Variants in RIC1 observed in about 807,000 individuals in gnomAD.
The protein encoded by RIC1 is RIC1 partner of RAB6A GEF complex, also known as guanine nucleotide exchange factor subunit RIC1.
RIC1 carries 88 observed loss-of-function variants against 169.0 expected under a neutral mutation model. The observed-to-expected ratio is 0.52, with a 90% CI of 0.44 to 0.62. RIC1 has a LOEUF of 0.62. RIC1 is among the 20% of genes least tolerant of loss of function. The pLI is 0.00. For synonymous variants in RIC1, 790 were observed against 601.5 expected (o/e 1.31, Z -4.59); for missense variants, 1,877 against 1,725.5 (o/e 1.09, Z -1.56).
chr9:5,643,651 GA>G (rs1490962171), intron 1 of RIC1, among the ~76,000 whole-genome samples: 1 of 152,090 alleles, frequency 6.6e-6, no homozygotes, highest in East Asian at 1.9e-4. Context: ...AAATAAAAAA[GA>G]TTGAAGAGGA....
At position 5,686,792 on chromosome 9, in the gene RIC1, A is replaced by G. The variant is rs1208144240; in HGVS notation, c.253-3167A>G. ...TAAAGTATAATAATAAAAAAAAAGA[A>G]TATGTTAATGAGGGATCTTGGCCTG... On this transcript the variant is annotated intron_variant, in intron 2 of 25. Coordinates refer to ENST00000414202, the MANE Select transcript of RIC1 (RefSeq NM_020829.4). Among the ~76,000 whole-genome samples, 5 of 152,106 alleles carry G rather than the reference A, an allele frequency of 3.3e-5. No individual in the cohort carries two copies. In the East Asian group the frequency reaches 5.8e-4, roughly 18 times the overall value.
intron 1 of RIC1, among the ~76,000 whole-genome samples, chr9:5,652,036 G>T (rs1299905098): frequency 6.6e-6 from 1 of 152,264 alleles, no homozygotes; most frequent in Non-Finnish European, 1.5e-5. Context: ...TAAAAGCATG[G>T]ATTTATTTCT....
At chr9:5,637,055 T>TTTTG (rs756982205) in intron 1 of RIC1, among the ~76,000 whole-genome samples, 7 of 152,044 alleles carry the variant, frequency 4.6e-5, no homozygotes, top group African/African-American at 7.2e-5. Context: ...TTTATGATTT[T>TTTTG]TTTGTTTGTT....
intron 6 of RIC1, 148 bp from the exon 7 acceptor site, chr9:5,732,240 T>C: frequency 1.6e-6 from 1 of 610,064 alleles, no homozygotes; most frequent in Non-Finnish European, 2.9e-6. Context: ...AGGGAGACTA[T>C]TGTGGTAGTC....
At chr9:5,727,182 C>A (rs55727507) in intron 6 of RIC1, among the ~76,000 whole-genome samples, 4 of 152,126 alleles carry the variant, frequency 2.6e-5, no homozygotes, top group Non-Finnish European at 5.9e-5. Flanking sequence ...CCGTCACTTT[C>A]AGGTACAGCA....
At chr9:5,753,730 G>GT (rs1276252684) in intron 14 of RIC1, 84 bp downstream of exon 14, 7 of 548,750 alleles carry the variant, frequency 1.3e-5, no homozygotes, top group Non-Finnish European at 2.1e-5. Context: ...TTATCACTAA[G>GT]TAATTTTGGT....
intron 3 of RIC1, among the ~76,000 whole-genome samples, chr9:5,703,286 G>A (rs1822349859): frequency 1.3e-5 from 2 of 152,180 alleles, no homozygotes; most frequent in African/African-American, 4.8e-5. Context: ...GGGACTATAA[G>A]CCCCGTGCAG....
rs1817602547 is a variant in RIC1 at position 5,629,361 on chromosome 9, C to G, written c.52C>G (p.Pro18Ala). The change falls in exon 1 of 26, where the codon CCG becomes GCG. Residue 18 changes from proline to alanine, a missense_variant. By Grantham distance (27) the Pro-to-Ala change is conservative. Coordinates refer to ENST00000414202, the MANE Select transcript of RIC1 (RefSeq NM_020829.4). ...GAGGCTGCTGTGCCCTCTGGGGAGC[C>G]CGGCCGAGGCGCCTTTCCACGTTCA... ...PKRLLCPLGSPAEAPFHVQSD... is the reference protein window; with the variant it reads ...PKRLLCPLGSAAEAPFHVQSD... 1 of 1,534,448 alleles carries G rather than the reference C, an allele frequency of 6.5e-7. No individual in the cohort carries two copies. Among genetic ancestry groups the G allele is most frequent in the Non-Finnish European group, 8.7e-7 (1 of 1,146,264 alleles).
chr9:5,705,596 C>A (rs1160706732), intron 3 of RIC1, among the ~76,000 whole-genome samples: 1 of 152,044 alleles, frequency 6.6e-6, no homozygotes, highest in Non-Finnish European at 1.5e-5. Flanking sequence ...AAGAGAGTCC[C>A]ATTTTTTCCG....
At chr9:5,727,262 C>A (rs1824053160) in intron 6 of RIC1, among the ~76,000 whole-genome samples, 1 of 152,088 alleles carries the variant, frequency 6.6e-6, no homozygotes, top group African/African-American at 2.4e-5. Context: ...TCTTTTTACT[C>A]TTTTTTTCTC....
At chr9:5,694,956 G>T (rs940349208) in intron 3 of RIC1, among the ~76,000 whole-genome samples, 1 of 151,818 alleles carries the variant, frequency 6.6e-6, no homozygotes, top group Non-Finnish European at 1.5e-5. Context: ...TCTAACAGTG[G>T]AAAAAAACAA....
At chr9:5,683,066 T>C (rs1338898221) in intron 2 of RIC1, among the ~76,000 whole-genome samples, 2 of 152,242 alleles carry the variant, frequency 1.3e-5, no homozygotes, top group African/African-American at 4.8e-5. Context: ...GCCATTCGTC[T>C]AATTTTTTTT....
At chr9:5,688,578 C>T (rs1287686063) in intron 2 of RIC1, among the ~76,000 whole-genome samples, 3 of 152,126 alleles carry the variant, frequency 2.0e-5, no homozygotes, top group Non-Finnish European at 4.4e-5. Flanking sequence ...GAAAGATGAT[C>T]TTATCTGAAG....
At chr9:5,678,128 G>A (rs1467377772) in intron 2 of RIC1, among the ~76,000 whole-genome samples, 2 of 152,118 alleles carry the variant, frequency 1.3e-5, no homozygotes, top group South Asian at 2.1e-4. Flanking sequence ...ATAGTTTGCT[G>A]AGAATGATGG....
At chr9:5,689,788 C>A (rs941876930) in intron 2 of RIC1, among the ~76,000 whole-genome samples, 171 bp from the exon 3 acceptor site, 2 of 151,882 alleles carry the variant, frequency 1.3e-5, no homozygotes, top group Non-Finnish European at 2.9e-5. Context: ...TTTTTTTCAA[C>A]ATGGGTTATA....
At chr9:5,754,245 G>A (rs754298352) in intron 14 of RIC1, among the ~76,000 whole-genome samples, 34 of 152,212 alleles carry the variant, frequency 2.2e-4, no homozygotes, top group South Asian at 6.2e-4. Flanking sequence ...CATCTGATAA[G>A]TGATTAAGCC....
rs77344601 is a variant in RIC1 at position 5,634,867 on chromosome 9, C to T, written c.144+5414C>T. The stretch of plus-strand genomic sequence containing the variant: ...AGGTTTTACATTTAAGTCTTTGATC[C>T]TTCTTCTTATTTTAATTTTTGTGGG... On this transcript the variant is annotated intron_variant, in intron 1 of 25. Coordinates refer to ENST00000414202, the MANE Select transcript of RIC1 (RefSeq NM_020829.4). 2.2e-4 allele frequency among the ~76,000 whole-genome samples: 34 copies of T among 152,042 alleles called. No homozygotes were observed. In the East Asian group the frequency reaches 3.7e-3, roughly 16 times the overall value.
intron 4 of RIC1, among the ~76,000 whole-genome samples, chr9:5,716,216 A>T (rs534442629): frequency 5.9e-5 from 9 of 152,352 alleles, no homozygotes; most frequent in East Asian, 1.9e-4. Context: ...CATAAAATTA[A>T]TGAAGTCAAT....
intron 11 of RIC1, among the ~76,000 whole-genome samples, chr9:5,746,926 C>G (rs1825411524): frequency 6.6e-6 from 1 of 152,134 alleles, no homozygotes; most frequent in Admixed American, 6.6e-5. Flanking sequence ...TTTCTCCCTC[C>G]CCTTCCCCAT....
Sources: gnomAD v4.1 joint callset for allele counts (sites outside exome capture counted in the v4.1 genomes callset) on GRCh38, gnomAD v4.1.1 for gene constraint, MANE v1.5 for transcripts, NCBI Gene and HGNC (gene_info 2026-07-23, HGNC 2026-07-21) for gene names.